Variants in CELSR3 observed in about 807,000 individuals in gnomAD.
CELSR3 encodes cadherin EGF LAG seven-pass G-type receptor 3.
CELSR3 carries 73 observed loss-of-function variants against 270.0 expected under a neutral mutation model. That is an observed-to-expected ratio of 0.27 (90% CI 0.22 to 0.33). CELSR3 has a LOEUF of 0.33. CELSR3 is among the 10% of genes least tolerant of loss of function. The probability of loss-of-function intolerance (pLI) is 1.00; values close to 1 mark genes in which losing one functional copy is unlikely to be tolerated. For synonymous variants in CELSR3, 1,780 were observed against 1,905.4 expected, an observed-to-expected ratio of 0.93 and a Z score of 1.71; for missense variants, 3,614 against 4,533.8, an observed-to-expected ratio of 0.80 and a Z score of 5.83.
chr3:48,644,637 C>A lies in CELSR3; in HGVS notation c.8085+79G>T. On this transcript the variant is annotated intron_variant, in intron 26 of 34. Transcript: ENST00000164024. The surrounding 1 kb of genome is among the most constrained non-coding windows in gnomAD (Gnocchi z 4.8). ...AAGCCTGCAGAATGCCACCTGACCGCCCTCAGCTGAGTCCACTGCACCTCC... is the reference window on the plus strand; with the variant it reads ...AAGCCTGCAGAATGCCACCTGACCGACCTCAGCTGAGTCCACTGCACCTCC... The A allele has an allele frequency of 8.5e-7, 1 of 1,177,776 alleles. No homozygotes were observed. Among genetic ancestry groups the A allele is most frequent in the Non-Finnish European group, 1.2e-6 (1 of 802,398 alleles). 73.0% of individuals were successfully genotyped at this position (1,177,776 alleles called of 1,614,324 possible).
chr3:48,639,586 C>T lies in CELSR3; in HGVS notation c.9911+88G>A. ...CCCACACCTGTCTGCCAGCCCTCAT[C>T]CCCTTCTGTGGCAGAACACAGGGCA... On this transcript the variant is annotated intron_variant, in intron 34 of 34. Transcript: ENST00000164024. The surrounding 1 kb of genome is among the most constrained non-coding windows in gnomAD (Gnocchi z 4.1). 1 of 1,535,950 alleles carries T rather than the reference C, an allele frequency of 6.5e-7. No individual in the cohort carries two copies. Among genetic ancestry groups the T allele is most frequent in the South Asian group, 1.2e-5 (1 of 81,010 alleles).
rs1357154046 is a variant in CELSR3 at position 48,651,372 on chromosome 3, T to C, written c.6173A>G (p.Gln2058Arg). ...GGCCAGGCGCACCTTGCAGTGACACTGCCCATTTGTCTTGTTGCAGTTGGG... is the reference window on the plus strand; with the variant it reads ...GGCCAGGCGCACCTTGCAGTGACACCGCCCATTTGTCTTGTTGCAGTTGGG... ...FDPNCNKTNG[Q>R]CHCKEFHYRP... Residue 2058 changes from glutamine (Q) to arginine (R), a missense_variant, in exon 14 of 35, where the codon CAG becomes CGG. This residue lies in a region of CELSR3 where 1,331 missense variants were observed against 1,933.7 expected (regional missense o/e 0.69). Coordinates refer to ENST00000164024, the MANE Select transcript of CELSR3 (RefSeq NM_001407.3). The surrounding 1 kb of genome is among the most constrained non-coding windows in gnomAD (Gnocchi z 7.4). 1 of 1,614,048 alleles carries C rather than the reference T, an allele frequency of 6.2e-7. No homozygotes were observed. Among genetic ancestry groups the C allele is most frequent in the Non-Finnish European group, 8.5e-7 (1 of 1,179,950 alleles).
rs753418918 is a variant in CELSR3 at position 48,650,459 on chromosome 3, C to T, written c.6472+21G>A. ...GGCCCACCCCCACCCTCAGTGATGT[C>T]CTTTCCCCCCACATACTCACCCAGG... is the stretch of plus-strand genomic sequence containing the variant. On this transcript the variant is annotated intron_variant, in intron 16 of 34. Coordinates refer to ENST00000164024, the MANE Select transcript of CELSR3 (RefSeq NM_001407.3). The surrounding 1 kb of genome is among the most constrained non-coding windows in gnomAD (Gnocchi z 5.1). 9.7e-5 allele frequency: 91 copies of T among 941,982 alleles called. No individual in the cohort carries two copies. In the Admixed American group the frequency reaches 1.7e-3, roughly 18 times the overall value. The allele number at this position is 941,982 out of a possible 1,614,324, so 58.4% of individuals were successfully genotyped here.
Position 48,658,327 on chromosome 3 carries a change from G to C in CELSR3, c.3748+560C>G, listed in dbSNP as rs898818098. Among the ~76,000 whole-genome samples the C allele has an allele frequency of 2.0e-5, 3 of 152,212 alleles. No individual in the cohort carries two copies. The highest frequency in any genetic ancestry group is 4.4e-5 in the Non-Finnish European group (3 of 68,044). On this transcript the variant is annotated intron_variant, in intron 1 of 34. Transcript: ENST00000164024. This position sits in a 1 kb window ranked among gnomAD's most constrained non-coding sequence, Gnocchi z 4.7. ...TCCTATTATGGAGGGGTTTCTGAAA[G>C]ACTGGAGCAGATGGGGCAGGAAAGA...
Position 48,645,795 on chromosome 3 carries a change from G to A in CELSR3, c.7537C>T (p.Arg2513Cys), listed in dbSNP as rs144247872. Reference protein sequence around the residue: ...VHRNGSHARCRCSRTGTFGVL... With the variant: ...VHRNGSHARCCCSRTGTFGVL... ...CCAAAGGTCCCTGTCCGGCTGCAGC[G>A]ACACCGTGCGTGGGACCCATTCCTG... The change falls in exon 23 of 35, where the codon CGC (arginine) becomes TGC (cysteine). Residue 2513 changes from arginine (R) to cysteine (C), a missense_variant. Physicochemically the swap from Arg to Cys is radical, Grantham distance 180 (BLOSUM62 -3). Transcript: ENST00000164024. The surrounding 1 kb of genome is among the most constrained non-coding windows in gnomAD (Gnocchi z 5.4). The A allele has an allele frequency of 7.3e-4, 1,180 of 1,611,852 alleles. 2 individuals are homozygous for A. Among genetic ancestry groups the A allele is most frequent in the Non-Finnish European group, 6.7e-4 (785 of 1,179,452 alleles).
rs768037635 is a variant in CELSR3, at chr3:48,646,196, T to G, written c.7357A>C (p.Asn2453His). 28 of 1,612,758 alleles carry G rather than the reference T, an allele frequency of 1.7e-5. No homozygotes were observed. The South Asian group carries it at 3.0e-4, about 17-fold the overall frequency. ...GACTCCAGGATTCCCCTTAGGAAGT[T>G]GCGTCCGTGGAACACAGCCACGCTG... The part of the protein sequence containing the change: ...VVSVAVFHGR[N>H]FLRGILESPI... Residue 2453 changes from asparagine to histidine, a missense_variant, in exon 22 of 35, where the codon AAC (asparagine) becomes CAC (histidine). This residue lies in a region of CELSR3 where 1,240 missense variants were observed against 1,351.7 expected (regional missense o/e 0.92). Coordinates refer to ENST00000164024, the MANE Select transcript of CELSR3 (RefSeq NM_001407.3). This position sits in a 1 kb window ranked among gnomAD's most constrained non-coding sequence, Gnocchi z 4.8.
In CELSR3 at chr3:48,648,088, C is replaced by A; in HGVS notation, c.6974-92G>T. 3 of 1,516,624 alleles carry A rather than the reference C, an allele frequency of 2.0e-6. No homozygotes were observed. In the South Asian group the frequency reaches 3.6e-5, roughly 18 times the overall value. 93.9% of individuals were successfully genotyped at this position (1,516,624 alleles called of 1,614,324 possible). ...TCTTACTCGCATCCCGCACCTGAGT[C>A]CCACAATCTGTTTTCTGTGCTACCA... On this transcript the variant is annotated intron_variant, in intron 19 of 34. Transcript: ENST00000164024.
At position 48,644,197 on chromosome 3, in the gene CELSR3, C is replaced by T; in HGVS notation, c.8165+19G>A. ...CCTGCCATCCTGAGAAGCCCCCTTC[C>T]TCCAGCCAGCCAACTCACAGTGCAG... On this transcript the variant is annotated intron_variant, in intron 27 of 34. Coordinates refer to ENST00000164024, the MANE Select transcript of CELSR3 (RefSeq NM_001407.3). The surrounding 1 kb of genome is among the most constrained non-coding windows in gnomAD (Gnocchi z 4.8). 1.3e-6 allele frequency: 2 copies of T among 1,598,248 alleles called. No individual in the cohort carries two copies. Among genetic ancestry groups the T allele is most frequent in the Non-Finnish European group, 1.7e-6 (2 of 1,167,808 alleles).
Position 48,640,118 on chromosome 3 carries a change from A to G in CELSR3, c.9467T>C (p.Leu3156Pro), listed in dbSNP as rs1559474824. Residue 3156 changes from leucine (L) to proline (P), a missense_variant, in exon 34 of 35, where the codon CTG (leucine) becomes CCG (proline). Physicochemically the swap from Leu to Pro is moderately conservative, Grantham distance 98. Coordinates refer to ENST00000164024, the MANE Select transcript of CELSR3 (RefSeq NM_001407.3). The surrounding 1 kb of genome is among the most constrained non-coding windows in gnomAD (Gnocchi z 7.5). ...GTCCCGGGTGCGGCGGGGCGGAGGC[A>G]GCGTGCTCAACCACTCTCGAGGTGC... ...LGAPREWLST[L>P]PPPRRTRDLD... The G allele has an allele frequency of 6.2e-7, 1 of 1,611,886 alleles. No individual in the cohort carries two copies.
Position 48,660,210 on chromosome 3 carries a change from C to T in CELSR3, c.2425G>A (p.Gly809Ser), listed in dbSNP as rs1168197128. Residue 809 changes from glycine to serine, a missense_variant, in exon 1 of 35, where the codon GGT becomes AGT. Gly to Ser is a moderately conservative substitution (Grantham distance 56). Coordinates refer to ENST00000164024, the MANE Select transcript of CELSR3 (RefSeq NM_001407.3). This position sits in a 1 kb window ranked among gnomAD's most constrained non-coding sequence, Gnocchi z 5.5. ...RNRFAISTQG[G>S]VGLVTLALPL... ...AGAGCCAGAGTCACCAGACCCACAC[C>T]CCCCTGGGTGCTGATGGCAAAGCGA... 1 of 1,614,132 alleles carries T rather than the reference C, an allele frequency of 6.2e-7. No homozygotes were observed. Among genetic ancestry groups the T allele is most frequent in the Non-Finnish European group, 8.5e-7 (1 of 1,180,044 alleles).
chr3:48,657,373 G>T lies in CELSR3; in HGVS notation c.3749-25C>A. 1 of 1,548,364 alleles carries T rather than the reference G, an allele frequency of 6.5e-7. No individual in the cohort carries two copies. On this transcript the variant is annotated intron_variant, in intron 1 of 34. Coordinates refer to ENST00000164024, the MANE Select transcript of CELSR3 (RefSeq NM_001407.3). This position sits in a 1 kb window ranked among gnomAD's most constrained non-coding sequence, Gnocchi z 5.4. The stretch of plus-strand genomic sequence containing the variant: ...TCTGCAGGCGGGGGCAGGGGCAGTG[G>T]TCATCCTGGGGACAGTGGCCACCCC...
At position 48,661,438 on chromosome 3, in the gene CELSR3, G is replaced by A. The variant is rs1216048113; in HGVS notation, c.1197C>T (p.His399=). ...AALDRESMER[H]YLRVTAQDHG... is the part of the protein sequence containing the mutation. ...GGTCCTGCGCGGTCACACGCAGGTA[G>A]TGACGCTCCATGCTCTCGCGGTCCA... The change falls in exon 1 of 35, where the codon CAC becomes CAT. Residue 399 remains histidine (H), a synonymous_variant. Transcript: ENST00000164024. 6.2e-7 allele frequency: 1 copy of A among 1,611,284 alleles called. No homozygotes were observed. The highest frequency in any genetic ancestry group is 8.5e-7 in the Non-Finnish European group (1 of 1,179,308).
chr3:48,657,461 CA>C lies in CELSR3; in HGVS notation c.3749-114del. 2 of 1,114,908 alleles carry C rather than the reference CA, an allele frequency of 1.8e-6. No individual in the cohort carries two copies. The highest frequency in any genetic ancestry group is 3.0e-4 in the Middle Eastern group (1 of 3,286). The allele number at this position is 1,114,908 out of a possible 1,614,324, so 69.1% of individuals were successfully genotyped here. ...TAGGCCCCCAGAACCTCTAAGTCAG[CA>C]GGCTGACCCCACCAGGACACAAGGG... On this transcript the variant is annotated intron_variant, in intron 1 of 34. Coordinates refer to ENST00000164024, the MANE Select transcript of CELSR3 (RefSeq NM_001407.3). This position sits in a 1 kb window ranked among gnomAD's most constrained non-coding sequence, Gnocchi z 5.4.
intron 27 of CELSR3, chr3:48,643,958 CA>C: frequency 1.7e-6 from 1 of 582,688 alleles, no homozygotes; most frequent in Non-Finnish European, 3.0e-6. Context: ...GGGCAGGGGG[CA>C]AAGTGAGCCA....
chr3:48,651,215 C>G lies in CELSR3; in HGVS notation c.6187-140G>C. On this transcript the variant is annotated intron_variant, in intron 14 of 34. Coordinates refer to ENST00000164024, the MANE Select transcript of CELSR3 (RefSeq NM_001407.3). The surrounding 1 kb of genome is among the most constrained non-coding windows in gnomAD (Gnocchi z 7.4). Reference sequence around the variant, plus strand: ...ATGCGTGAAGCCAAGGGAGGGGTCACGGGTAAAGGATGAGAGACAGCAACT... The same window carrying G: ...ATGCGTGAAGCCAAGGGAGGGGTCAGGGGTAAAGGATGAGAGACAGCAACT... 6.8e-7 allele frequency: 1 copy of G among 1,467,300 alleles called. No individual in the cohort carries two copies. Among genetic ancestry groups the G allele is most frequent in the Non-Finnish European group, 9.3e-7 (1 of 1,070,214 alleles). 90.9% of individuals were successfully genotyped at this position (1,467,300 alleles called of 1,614,324 possible).
chr3:48,648,634 C>T lies in CELSR3; in HGVS notation c.6777+85G>A, dbSNP rs187635398. The T allele has an allele frequency of 2.0e-5, 30 of 1,490,394 alleles. No individual in the cohort carries two copies. In the East Asian group the frequency reaches 2.3e-4, roughly 12 times the overall value. 92.3% of individuals were successfully genotyped at this position (1,490,394 alleles called of 1,614,324 possible). On this transcript the variant is annotated intron_variant, in intron 18 of 34. Coordinates refer to ENST00000164024, the MANE Select transcript of CELSR3 (RefSeq NM_001407.3). ...CCAGGACCTTCACTTCCCAAGAGAA[C>T]AGCAGGAGCCTGAGCTGGGGATCCA...
rs1216775442 is a variant in CELSR3, at chr3:48,653,577, G to T, written c.5448+42C>A. The T allele has an allele frequency of 1.3e-6, 2 of 1,592,782 alleles. No individual in the cohort carries two copies. The highest frequency in any genetic ancestry group is 2.2e-5 in the South Asian group (2 of 89,552). ...CAAGAATGTCAGTGGCGGCCTAAGA[G>T]ACTGAGAACTGAGGGTATAGGGGTG... On this transcript the variant is annotated intron_variant, in intron 9 of 34. Coordinates refer to ENST00000164024, the MANE Select transcript of CELSR3 (RefSeq NM_001407.3). This position sits in a 1 kb window ranked among gnomAD's most constrained non-coding sequence, Gnocchi z 6.5.
Position 48,654,271 on chromosome 3 carries a change from T to A in CELSR3, c.5152+18A>T, listed in dbSNP as rs1445893098. The A allele has an allele frequency of 6.2e-6, 10 of 1,613,188 alleles. No homozygotes were observed. In the South Asian group the frequency reaches 1.1e-4, roughly 18 times the overall value. On this transcript the variant is annotated intron_variant, in intron 7 of 34. Coordinates refer to ENST00000164024, the MANE Select transcript of CELSR3 (RefSeq NM_001407.3). The surrounding 1 kb of genome is among the most constrained non-coding windows in gnomAD (Gnocchi z 5.4). ...GGGACAGGGCCATGGGCTAGGCTGGTGGAAGCTTCAGGCCTACCTGCCATG... is the reference window on the plus strand; with the variant it reads ...GGGACAGGGCCATGGGCTAGGCTGGAGGAAGCTTCAGGCCTACCTGCCATG...
chr3:48,645,638 G>T lies in CELSR3; in HGVS notation c.7602C>A (p.Gly2534=), dbSNP rs1184056755. 1 of 1,608,760 alleles carries T rather than the reference G, an allele frequency of 6.2e-7. No individual in the cohort carries two copies. The highest frequency in any genetic ancestry group is 1.3e-5 in the African/African-American group (1 of 74,860). The change falls in exon 24 of 35, where the codon GGC becomes GGA. Residue 2534 remains glycine (G), a synonymous_variant. Coordinates refer to ENST00000164024, the MANE Select transcript of CELSR3 (RefSeq NM_001407.3). The surrounding 1 kb of genome is among the most constrained non-coding windows in gnomAD (Gnocchi z 5.4). ...TGAACACAGCCAGCAGCTCCAGGTC[G>T]CCCTCCAGCCTCTACAGAGACAGGG... is the stretch of plus-strand genomic sequence containing the variant. ...MDASPRERLE[G]DLELLAVFTH... is the part of the protein sequence containing the mutation.
Sources: allele counts gnomAD v4.1 joint callset (sites outside exome capture counted in the v4.1 genomes callset), GRCh38; gene constraint gnomAD v4.1.1; regional missense constraint gnomAD v4.1.1; non-coding constraint Gnocchi (gnomAD v3.1); transcripts MANE v1.5; gene names NCBI Gene and HGNC (gene_info 2026-07-23, HGNC 2026-07-21).